The following ARHGAP29 variants were observed in gnomAD, a reference collection of about 807,000 sequenced individuals.
The protein encoded by ARHGAP29 is Rho GTPase activating protein 29.
Under a neutral mutation model 122.6 loss-of-function variants are expected in ARHGAP29, and 43 were observed. The ratio of observed to expected loss-of-function variants is 0.35; its 90% CI spans 0.27 to 0.45. The LOEUF is 0.45. Ranked by LOEUF, ARHGAP29 falls within the 20% of genes least tolerant of loss-of-function variation. The pLI is 1.00. For synonymous variants in ARHGAP29, 506 were observed against 497.1 expected, an observed-to-expected ratio of 1.02 and a Z score of -0.24; for missense variants, 1,303 against 1,477.2, an observed-to-expected ratio of 0.88 and a Z score of 1.93.
intron 1 of ARHGAP29, among the ~76,000 whole-genome samples, chr1:94,257,958 T>TA (rs1474400606): frequency 6.6e-6 from 1 of 152,094 alleles, no homozygotes; most frequent in Non-Finnish European, 1.5e-5. Context: ...TTTTCCTTCT[T>TA]AGAGAAGGAA....
chr1:94,312,014 T>G, the ARHGAP29 span, among the ~76,000 whole-genome samples: 1 of 152,214 alleles, frequency 6.6e-6, no homozygotes, highest in African/African-American at 2.4e-5. Context: ...AACATACAAA[T>G]GTACTGTGAT....
At chr1:94,268,774 C>A (rs1381802062) in intron 1 of ARHGAP29, among the ~76,000 whole-genome samples, 3 of 151,794 alleles carry the variant, frequency 2.0e-5, no homozygotes, top group African/African-American at 7.3e-5. Flanking sequence ...TAACCTTGAA[C>A]TTCTGGGCTC....
the ARHGAP29 span, among the ~76,000 whole-genome samples, chr1:94,304,581 CAG>C: frequency 6.6e-6 from 1 of 152,218 alleles, no homozygotes. Flanking sequence ...CTGCTTAAAT[CAG>C]AGTTATTACT....
Position 94,247,570 on chromosome 1 carries a change from C to T in ARHGAP29, c.-32-15927G>A, listed in dbSNP as rs959236963. Among the ~76,000 whole-genome samples the T allele has an allele frequency of 1.8e-4, 27 of 151,576 alleles. No individual in the cohort carries two copies. In the South Asian group the frequency reaches 3.1e-3, roughly 17 times the overall value. ...CGCCACCTCCTCACACTCACCACGG[C>T]GCTCCATCCCGCGTCCCGGACGCGG... On this transcript the variant is annotated intron_variant and NMD_transcript_variant, in intron 1 of 25. Transcript: ENST00000552844.
upstream of ARHGAP29, among the ~76,000 whole-genome samples, chr1:94,241,643 T>TAC (rs1491419861): frequency 2.9e-5 from 2 of 69,138 alleles, no homozygotes; most frequent in East Asian, 4.1e-4. Context: ...TATATATAAT[T>TAC]ATATATATAT....
At chr1:94,229,779 T>C (rs2101609999) in intron 2 of ARHGAP29, among the ~76,000 whole-genome samples, 1 of 151,776 alleles carries the variant, frequency 6.6e-6, no homozygotes, top group South Asian at 2.1e-4. Flanking sequence ...ACCTTCAGTA[T>C]TCTCTGAAGT....
In ARHGAP29 at chr1:94,231,405, AC is replaced by A; in HGVS notation, c.205+1del. 1 of 1,611,304 alleles carries A rather than the reference AC, an allele frequency of 6.2e-7. No homozygotes were observed. The highest frequency in any genetic ancestry group is 1.1e-5 in the South Asian group (1 of 90,778). On this transcript the variant is annotated splice_donor_variant, in intron 2 of 22. Coordinates refer to ENST00000260526, the MANE Select transcript of ARHGAP29 (RefSeq NM_004815.4). LOFTEE classifies it high-confidence loss of function. ...AAGAATGCTAATAGAAAAGTGACAA[AC>A]CTGAAAATATGGCTTCTTTCAAATA...
chr1:94,305,186 A>C, the ARHGAP29 span, among the ~76,000 whole-genome samples: 1 of 152,214 alleles, frequency 6.6e-6, no homozygotes, highest in Admixed American at 6.5e-5. Flanking sequence ...CCCTGCTCAA[A>C]GGTCCTCTGT....
intron 1 of ARHGAP29, among the ~76,000 whole-genome samples, chr1:94,259,779 T>C (rs140560380): frequency 0.026 from 3,991 of 152,282 alleles, 180 homozygotes; most frequent in African/African-American, 0.092. Context: ...TGGTAGTTTG[T>C]TAAAGCAGCC....
At chr1:94,246,478 A>G (rs1653801079) in intron 1 of ARHGAP29, among the ~76,000 whole-genome samples, 1 of 152,260 alleles carries the variant, frequency 6.6e-6, no homozygotes, top group Non-Finnish European at 1.5e-5. Context: ...TAGAACTTTC[A>G]TAAAACATCT....
At chr1:94,219,600 A>T (rs974683595) in intron 3 of ARHGAP29, among the ~76,000 whole-genome samples, 8 of 151,800 alleles carry the variant, frequency 5.3e-5, no homozygotes, top group Admixed American at 5.3e-4. Context: ...ATTCCTAACA[A>T]TCTCCTATTT....
intron 1 of ARHGAP29, among the ~76,000 whole-genome samples, chr1:94,266,053 G>A (rs1281944674): frequency 2.6e-5 from 4 of 152,218 alleles, no homozygotes; most frequent in Non-Finnish European, 4.4e-5. Context: ...AGCAGGGCAA[G>A]GCACATGGTG....
rs1286623113 is a variant in ARHGAP29, at chr1:94,206,798, C to T, written c.511-1115G>A. Among the ~76,000 whole-genome samples the T allele has an allele frequency of 5.9e-5, 9 of 151,374 alleles. No individual in the cohort carries two copies. In the South Asian group the frequency reaches 6.3e-4, roughly 11 times the overall value. On this transcript the variant is annotated intron_variant, in intron 5 of 22. Transcript: ENST00000260526. Reference sequence around the variant, plus strand: ...GTGGTCCCAGCTACTTGGGAGGCTGCGGCACAAGAAGTGTTTGAAATTAGA... The same window carrying T: ...GTGGTCCCAGCTACTTGGGAGGCTGTGGCACAAGAAGTGTTTGAAATTAGA...
chr1:94,186,207 T>G (rs1304245928), intron 16 of ARHGAP29, among the ~76,000 whole-genome samples: 1 of 152,172 alleles, frequency 6.6e-6, no homozygotes, highest in Non-Finnish European at 1.5e-5. Flanking sequence ...GTCACAGTAT[T>G]AGGTTTATGA....
chr1:94,209,027 A>G, intron 4 of ARHGAP29, 123 bp from the exon 5 acceptor site: 1 of 955,060 alleles, frequency 1.0e-6, no homozygotes, highest in East Asian at 2.6e-5. Context: ...AACCCCTAGG[A>G]ATCTGTTCAC....
chr1:94,311,169 C>T, the ARHGAP29 span, among the ~76,000 whole-genome samples: 1 of 152,156 alleles, frequency 6.6e-6, no homozygotes, highest in Admixed American at 6.5e-5. Flanking sequence ...GGAGGGTTCA[C>T]TGAAGCTTGG....
upstream of ARHGAP29, chr1:94,275,185 G>T (rs1018822282): frequency 1.6e-4 from 25 of 152,242 alleles, no homozygotes. Flanking sequence ...AGCTCCACAA[G>T]TGTGTCTGGT....
chr1:94,188,727 C>G, intron 15 of ARHGAP29, 110 bp downstream of exon 15: 1 of 864,898 alleles, frequency 1.2e-6, no homozygotes, highest in Non-Finnish European at 1.8e-6. Context: ...GTACACTTTC[C>G]TCTCTATTAT....
chr1:94,284,977 C>T, the ARHGAP29 span, among the ~76,000 whole-genome samples: 1 of 152,300 alleles, frequency 6.6e-6, no homozygotes, highest in Non-Finnish European at 1.5e-5. Context: ...ACTCTTTTTA[C>T]ACTGAACATC....
Sources: allele counts gnomAD v4.1 joint callset (sites outside exome capture counted in the v4.1 genomes callset), GRCh38; gene constraint gnomAD v4.1.1; transcripts MANE v1.5; gene names NCBI Gene and HGNC (gene_info 2026-07-23, HGNC 2026-07-21).